Variants in CYTIP observed in about 807,000 individuals in gnomAD.
The protein encoded by CYTIP is cytohesin 1 interacting protein.
In CYTIP, 26 loss-of-function variants were observed where a neutral mutation model predicts 43.8. The ratio of observed to expected loss-of-function variants is 0.59; its 90% CI spans 0.44 to 0.82. CYTIP has a LOEUF of 0.82. Ranked by LOEUF, CYTIP falls within the 40% of genes least tolerant of loss-of-function variation. The probability of loss-of-function intolerance (pLI) is 0.00; values close to 1 mark genes in which losing one functional copy is unlikely to be tolerated. For synonymous variants in CYTIP, 162 were observed against 162.9 expected (o/e 0.99, Z 0.04); for missense variants, 426 against 443.1 (o/e 0.96, Z 0.35).
chr2:157,426,362 G>T (rs1685607268), intron 6 of CYTIP, among the ~76,000 whole-genome samples: 1 of 151,994 alleles, frequency 6.6e-6, no homozygotes, highest in African/African-American at 2.4e-5. Flanking sequence ...GTTTTTTCAA[G>T]GAATTCTATA....
At chr2:157,433,735 G>A (rs888580001) in intron 3 of CYTIP, among the ~76,000 whole-genome samples, 1 of 152,174 alleles carries the variant, frequency 6.6e-6, no homozygotes, top group East Asian at 1.9e-4. Context: ...AGGCAATTAT[G>A]CTGAAACTTA....
chr2:157,424,289 A>G (rs1244104824), intron 6 of CYTIP, among the ~76,000 whole-genome samples: 3 of 152,180 alleles, frequency 2.0e-5, no homozygotes, highest in Non-Finnish European at 4.4e-5. Flanking sequence ...AGAAAAATTT[A>G]TTTCACATGT....
intron 2 of CYTIP, 51 bp from the exon 3 acceptor site, chr2:157,434,475 A>G: frequency 7.4e-7 from 1 of 1,359,260 alleles, no homozygotes; most frequent in Non-Finnish European, 1.0e-6. Context: ...AAAGTATCAC[A>G]TTTGGCACAG....
At chr2:157,434,959 C>T (rs1187686891) in intron 1 of CYTIP, among the ~76,000 whole-genome samples, 1 of 150,288 alleles carries the variant, frequency 6.7e-6, no homozygotes, top group Non-Finnish European at 1.5e-5. Context: ...TAAAGGCAGC[C>T]ATTTCCATTC....
chr2:157,415,498 A>C lies in CYTIP; in HGVS notation c.*179T>G. The C allele has an allele frequency of 5.4e-6, 3 of 557,794 alleles. No individual in the cohort carries two copies. The East Asian group carries it at 9.1e-5, about 17-fold the overall frequency. The allele number at this position is 557,794 out of a possible 1,614,324, so 34.6% of individuals were successfully genotyped here. A position where few individuals can be genotyped will look rare whatever the true frequency, so the allele number is the denominator to read the frequency against. ...CTGTCTGCTTAGAAATTGGCTGTTT[A>C]GGTTGAAAAATGATTTAAGAAGCAT... is the stretch of plus-strand genomic sequence containing the variant. On this transcript the variant is annotated 3_prime_UTR_variant, in exon 8 of 8. Coordinates refer to ENST00000264192, the MANE Select transcript of CYTIP (RefSeq NM_004288.5).
At chr2:157,418,333 A>G (rs1685469495) in intron 7 of CYTIP, among the ~76,000 whole-genome samples, 190 bp downstream of exon 7, 1 of 152,198 alleles carries the variant, frequency 6.6e-6, no homozygotes, top group Non-Finnish European at 1.5e-5. Context: ...GCAGTAGTGG[A>G]TCTGACTTGC....
chr2:157,428,592 C>G (rs990849111), intron 5 of CYTIP, among the ~76,000 whole-genome samples: 1 of 152,188 alleles, frequency 6.6e-6, no homozygotes, highest in South Asian at 2.1e-4. Context: ...TCCCATTTTC[C>G]CGGATTTCCA....
chr2:157,439,681 T>C (rs1339488347), intron 1 of CYTIP, among the ~76,000 whole-genome samples: 1 of 152,194 alleles, frequency 6.6e-6, no homozygotes, highest in Non-Finnish European at 1.5e-5. Flanking sequence ...ATATGAGAAA[T>C]CTAGGTTTAG....
intron 6 of CYTIP, among the ~76,000 whole-genome samples, chr2:157,424,607 C>T (rs1002218390): frequency 5.3e-5 from 8 of 152,210 alleles, no homozygotes; most frequent in African/African-American, 1.9e-4. Context: ...AGGAGAACTG[C>T]TTGAGCCCAG....
chr2:157,432,973 A>C (rs1685736634), intron 3 of CYTIP, among the ~76,000 whole-genome samples: 1 of 152,198 alleles, frequency 6.6e-6, no homozygotes, highest in Non-Finnish European at 1.5e-5. Flanking sequence ...TTGATCTACA[A>C]AAGTTCAGTG....
intron 1 of CYTIP, among the ~76,000 whole-genome samples, chr2:157,436,978 T>C (rs1685818139): frequency 6.6e-6 from 1 of 152,036 alleles, no homozygotes; most frequent in South Asian, 2.1e-4. Flanking sequence ...GATTTAAAAA[T>C]GAAAGAAAAC....
At chr2:157,418,422 C>T (rs1685471328) in intron 7 of CYTIP, 101 bp downstream of exon 7, 3 of 1,236,722 alleles carry the variant, frequency 2.4e-6, no homozygotes, top group South Asian at 2.8e-5. Flanking sequence ...CAGCACTAGA[C>T]AAATTTTTCT....
At chr2:157,442,599 A>T (rs1685934403) in intron 1 of CYTIP, among the ~76,000 whole-genome samples, 1 of 152,194 alleles carries the variant, frequency 6.6e-6, no homozygotes, top group Non-Finnish European at 1.5e-5. Flanking sequence ...AGCATTTCTC[A>T]TGTTGCTTTA....
Position 157,426,580 on chromosome 2 carries a change from T to C in CYTIP, c.546+771A>G, listed in dbSNP as rs375109384. On this transcript the variant is annotated intron_variant, in intron 6 of 7. Transcript: ENST00000264192. ...CAGCTATTTCTAAATAAAGCCAAAG[T>C]AAGCAACCTGCTTAAAGTAAACTAC... is the stretch of plus-strand genomic sequence containing the variant. Among the ~76,000 whole-genome samples the C allele has an allele frequency of 2.4e-4, 36 of 152,312 alleles. 4 individuals are homozygous for C. Among genetic ancestry groups the C allele is most frequent in the Admixed American group, 1.9e-3 (29 of 15,294 alleles).
At position 157,438,308 on chromosome 2, in the gene CYTIP, G is replaced by A. The variant is rs140175294; in HGVS notation, c.175-3561C>T. Reference sequence around the variant, plus strand: ...AAACACCACATGTTCTCACTCATATGTGGAAGCTAAAAAAAGTTGATCTCA... The same window carrying A: ...AAACACCACATGTTCTCACTCATATATGGAAGCTAAAAAAAGTTGATCTCA... On this transcript the variant is annotated intron_variant, in intron 1 of 7. Transcript: ENST00000264192. Among the ~76,000 whole-genome samples the A allele has an allele frequency of 6.1e-4, 93 of 152,288 alleles. 4 individuals carry two copies. The East Asian group carries it at 0.017, about 28-fold the overall frequency.
chr2:157,431,476 T>C (rs1323235396), intron 3 of CYTIP, among the ~76,000 whole-genome samples: 1 of 152,198 alleles, frequency 6.6e-6, no homozygotes, highest in Non-Finnish European at 1.5e-5. Flanking sequence ...ATTGACTCAA[T>C]TACCTTCATT....
rs767435973 is a variant in CYTIP at position 157,443,850 on chromosome 2, C to T, written c.171G>A (p.Lys57=). ...DTVATLPRGR[K]QLALTRSSSL... Reference sequence around the variant, plus strand: ...GGGTACAAAATAGCAATCATACCTGCTTTCGTCCCCGAGGCAGAGTAGCCA... The same window carrying T: ...GGGTACAAAATAGCAATCATACCTGTTTTCGTCCCCGAGGCAGAGTAGCCA... The change falls in exon 1 of 8, where the codon AAG becomes AAA. Residue 57 remains lysine (K), a synonymous_variant. Transcript: ENST00000264192. 6 of 1,613,962 alleles carry T rather than the reference C, an allele frequency of 3.7e-6. No individual in the cohort carries two copies. The highest frequency in any genetic ancestry group is 2.7e-5 in the African/African-American group (2 of 75,024).
At chr2:157,432,146 T>C (rs12472939) in intron 3 of CYTIP, among the ~76,000 whole-genome samples, 8,965 of 152,236 alleles carry the variant, frequency 0.059, 353 homozygotes, top group Admixed American at 0.12. Flanking sequence ...CTGACACTCC[T>C]TTGGGAAACC....
intron 3 of CYTIP, chr2:157,434,154 G>A: frequency 1.7e-6 from 1 of 590,594 alleles, no homozygotes; most frequent in Non-Finnish European, 3.0e-6. Flanking sequence ...ACAAACTGCT[G>A]AGCATATCGC....
Sources: allele counts gnomAD v4.1 joint callset (sites outside exome capture counted in the v4.1 genomes callset), GRCh38; gene constraint gnomAD v4.1.1; transcripts MANE v1.5; gene names NCBI Gene and HGNC (gene_info 2026-07-23, HGNC 2026-07-21).